The following ZC3H12B variants were observed in gnomAD, a reference collection of about 807,000 sequenced individuals.
The protein encoded by ZC3H12B is probable ribonuclease ZC3H12B.
Under a neutral mutation model 43.9 loss-of-function variants are expected in ZC3H12B, and 7 were observed. The observed-to-expected ratio is 0.16, with a 90% confidence interval of 0.09 to 0.30. The LOEUF (loss-of-function observed/expected upper bound fraction) is 0.30. Ranked by LOEUF, ZC3H12B falls within the 10% of genes least tolerant of loss-of-function variation. The pLI is 1.00. For synonymous variants in ZC3H12B, 222 were observed against 241.7 expected (o/e 0.92, Z 0.76); for missense variants, 475 against 670.2 (o/e 0.71, Z 3.22).
At chrX:65,100,385 A>G in the ZC3H12B span, among the ~76,000 whole-genome samples, 1 of 107,709 alleles carries the variant, frequency 9.3e-6, no homozygotes, top group Non-Finnish European at 1.9e-5. Context: ...AATACAGAAG[A>G]CACCACTAAG....
At chrX:65,397,138 G>C (rs1018228094) in intron 2 of ZC3H12B, among the ~76,000 whole-genome samples, 2 of 111,611 alleles carry the variant, frequency 1.8e-5, no homozygotes, top group Non-Finnish European at 1.9e-5. Context: ...ACACCGATGA[G>C]TCTTGACTAT....
the ZC3H12B span, among the ~76,000 whole-genome samples, chrX:65,340,864 G>A: frequency 8.9e-6 from 1 of 111,930 alleles, no homozygotes; most frequent in Non-Finnish European, 1.9e-5. Context: ...TGAAGTAGCT[G>A]AAATGACAGA....
chrX:65,160,101 C>T, the ZC3H12B span, among the ~76,000 whole-genome samples: 1 of 111,779 alleles, frequency 8.9e-6, no homozygotes, highest in African/African-American at 3.3e-5. Context: ...CCTTGCATCC[C>T]AGGGATGAAA....
intron 1 of ZC3H12B, among the ~76,000 whole-genome samples, chrX:65,492,363 C>T (rs1268746207): frequency 8.9e-6 from 1 of 112,215 alleles, no homozygotes; most frequent in East Asian, 2.8e-4. Flanking sequence ...TTCAACATAT[C>T]TGGTCTATGT....
the ZC3H12B span, among the ~76,000 whole-genome samples, chrX:65,244,507 G>A: frequency 9.2e-6 from 1 of 108,832 alleles, no homozygotes; most frequent in Non-Finnish European, 1.9e-5. Flanking sequence ...TACCTTGGGA[G>A]GCTGAGGCAG....
chrX:65,149,797 TAA>T, the ZC3H12B span, among the ~76,000 whole-genome samples: 3 of 103,665 alleles, frequency 2.9e-5, no homozygotes, highest in Non-Finnish European at 5.8e-5. Flanking sequence ...ATAATAATAA[TAA>T]TAATAATAAT....
chrX:65,250,267 C>A, the ZC3H12B span, among the ~76,000 whole-genome samples: 430 of 111,733 alleles, frequency 3.8e-3, 15 homozygotes, highest in East Asian at 0.1. Context: ...GAAATGAACT[C>A]ATCCTTTTTT....
chrX:65,269,045 A>G, the ZC3H12B span, among the ~76,000 whole-genome samples: 1 of 112,185 alleles, frequency 8.9e-6, no homozygotes, highest in Non-Finnish European at 1.9e-5. Context: ...AAATCAACAT[A>G]GAAAAATCAA....
chrX:65,459,520 G>A (rs1181318328), intron 3 of ZC3H12B, among the ~76,000 whole-genome samples: 1 of 111,449 alleles, frequency 9.0e-6, no homozygotes, highest in Non-Finnish European at 1.9e-5. Context: ...TGATCAAGTG[G>A]GCTTCATCCC....
the ZC3H12B span, among the ~76,000 whole-genome samples, chrX:65,210,031 C>G: frequency 1.7e-5 from 1 of 57,201 alleles, no homozygotes; most frequent in South Asian, 9.7e-4. Context: ...GTCCAAAACA[C>G]CAAAAGCAAT....
chrX:65,329,153 A>C, the ZC3H12B span, among the ~76,000 whole-genome samples: 3 of 111,609 alleles, frequency 2.7e-5, no homozygotes, highest in South Asian at 1.1e-3. Context: ...GAACTAGTTT[A>C]CAGTCCCACC....
chrX:65,361,595 G>A, the ZC3H12B span, among the ~76,000 whole-genome samples: 1 of 111,408 alleles, frequency 9.0e-6, no homozygotes, highest in Non-Finnish European at 1.9e-5. Context: ...ACTGCAGTTA[G>A]CATTTAGACT....
At chrX:65,461,549 G>T (rs751159043) in intron 3 of ZC3H12B, among the ~76,000 whole-genome samples, 29 of 111,913 alleles carry the variant, frequency 2.6e-4, no homozygotes, top group Non-Finnish European at 5.1e-4. Flanking sequence ...CTTGTCCTTT[G>T]TAGGGACAGG....
chrX:65,120,647 C>T, the ZC3H12B span, among the ~76,000 whole-genome samples: 13 of 110,771 alleles, frequency 1.2e-4, no homozygotes, highest in East Asian at 5.7e-4. Flanking sequence ...TATTTCCTTC[C>T]CCTGCCTGAT....
chrX:65,438,688 C>G (rs948691474), intron 3 of ZC3H12B, among the ~76,000 whole-genome samples: 1 of 113,099 alleles, frequency 8.8e-6, no homozygotes, highest in Non-Finnish European at 1.9e-5. Flanking sequence ...AAAGGATGGG[C>G]CAAATTAATT....
rs182712407 is a variant in ZC3H12B, at chrX:65,461,256, G to A, written n.408-27390G>A. On this transcript the variant is annotated intron_variant and non_coding_transcript_variant, in intron 3 of 5. Transcript: ENST00000617377. ...AATAGGAACACTTTTACACGTTGGT[G>A]GGACTAAACTAGTTCAACCATTGTG... 8.9e-5 allele frequency among the ~76,000 whole-genome samples: 10 copies of A among 112,072 alleles called. No homozygotes were observed. In the East Asian group the frequency reaches 2.8e-3, roughly 31 times the overall value.
chrX:65,243,975 G>A, the ZC3H12B span, among the ~76,000 whole-genome samples: 1 of 111,581 alleles, frequency 9.0e-6, no homozygotes, highest in Non-Finnish European at 1.9e-5. Context: ...GCTGGAAATA[G>A]CAGCAGGAAG....
chrX:65,096,510 A>C, the ZC3H12B span, among the ~76,000 whole-genome samples: 3 of 112,419 alleles, frequency 2.7e-5, no homozygotes, highest in Non-Finnish European at 5.6e-5. Context: ...GATAGAAATG[A>C]AGAATGCTTT....
At chrX:65,453,390 AT>A (rs2067550042) in intron 3 of ZC3H12B, among the ~76,000 whole-genome samples, 5 of 87,651 alleles carry the variant, frequency 5.7e-5, no homozygotes, top group Non-Finnish European at 9.0e-5. Flanking sequence ...ATATATATAT[AT>A]ATATATATAT....
Sources: gnomAD v4.1 joint callset for allele counts (sites outside exome capture counted in the v4.1 genomes callset) on GRCh38, gnomAD v4.1.1 for gene constraint, MANE v1.5 for transcripts, NCBI Gene and HGNC (gene_info 2026-07-23, HGNC 2026-07-21) for gene names.